VCF1: variants seen among roughly 807,000 people sequenced by gnomAD.
The protein encoded by VCF1 is protein VCF1.
the VCF1 span, among the ~76,000 whole-genome samples, chr17:73,220,894 AT>A: frequency 0.02 from 1,930 of 96,562 alleles, 9 homozygotes; most frequent in African/African-American, 0.049. Flanking sequence ...TTTAATTTAG[AT>A]TTTTTTTTTT....
chr17:73,224,338 G>A, the VCF1 span, among the ~76,000 whole-genome samples: 23 of 151,172 alleles, frequency 1.5e-4, no homozygotes, highest in African/African-American at 5.4e-4. Flanking sequence ...CCAGCTACTT[G>A]GGAGGCTGAT....
the VCF1 span, chr17:73,212,584 T>TG: frequency 1.0e-6 from 1 of 985,646 alleles, no homozygotes; most frequent in South Asian, 1.6e-5. Context: ...CAAAGGCGTC[T>TG]CCTAACCTAG....
At chr17:73,216,971 C>G in the VCF1 span, among the ~76,000 whole-genome samples, 3 of 152,168 alleles carry the variant, frequency 2.0e-5, no homozygotes, top group Non-Finnish European at 4.4e-5. Context: ...ATCACTAAGC[C>G]ATTCCACTTC....
At chr17:73,225,392 C>T in the VCF1 span, among the ~76,000 whole-genome samples, 3 of 150,656 alleles carry the variant, frequency 2.0e-5, no homozygotes, top group East Asian at 5.8e-4. Context: ...TCTACAATAT[C>T]TGCCTTACTT....
chr17:73,208,263 C>T, the VCF1 span: 1 of 1,611,256 alleles, frequency 6.2e-7, no homozygotes, highest in Non-Finnish European at 8.5e-7. Flanking sequence ...GGCGAGTGGG[C>T]AGGAGGGCTC....
chr17:73,209,182 A>ACAT, the VCF1 span: 8 of 276,300 alleles, frequency 2.9e-5, no homozygotes, highest in Non-Finnish European at 5.5e-5. Flanking sequence ...AAGGCCCTTT[A>ACAT]CATAAAGTAG....
At chr17:73,227,536 G>T in the VCF1 span, 2 of 793,700 alleles carry the variant, frequency 2.5e-6, no homozygotes, top group Non-Finnish European at 3.1e-6. Context: ...TGTTGGGACT[G>T]AAACAAGAAC....
the VCF1 span, among the ~76,000 whole-genome samples, chr17:73,222,101 G>A: frequency 6.8e-6 from 1 of 148,108 alleles, no homozygotes; most frequent in African/African-American, 2.5e-5. Context: ...GGGAGGCTGA[G>A]CAGGGAGGAG....
chr17:73,230,775 C>T, the VCF1 span, among the ~76,000 whole-genome samples: 1 of 152,202 alleles, frequency 6.6e-6, no homozygotes, highest in South Asian at 2.1e-4. Flanking sequence ...CAGGAAAAGC[C>T]TGTCCAAATC....
the VCF1 span, among the ~76,000 whole-genome samples, chr17:73,225,065 A>C: frequency 3.6e-5 from 2 of 55,878 alleles, no homozygotes; most frequent in Non-Finnish European, 8.5e-5. Context: ...TATTCTGGTC[A>C]ATGTTCAGTA....
chr17:73,232,100 C>T, the VCF1 span: 21 of 1,608,376 alleles, frequency 1.3e-5, no homozygotes, highest in Admixed American at 1.7e-5. Flanking sequence ...GACGGAGGCG[C>T]TCGCTCATGG....
the VCF1 span, chr17:73,208,320 C>T: frequency 3.7e-6 from 6 of 1,613,620 alleles, no homozygotes; most frequent in Non-Finnish European, 5.1e-6. Context: ...GCAGGTTGTC[C>T]CCCCGGCACG....
chr17:73,230,295 A>G, the VCF1 span, among the ~76,000 whole-genome samples: 77,787 of 151,896 alleles, frequency 0.51, 20,039 homozygotes, highest in East Asian at 0.6. Flanking sequence ...GACTCTGTCA[A>G]TCAATCAGTC....
At chr17:73,232,368 G>A in the VCF1 span, 578 of 1,459,956 alleles carry the variant, frequency 4.0e-4, 6 homozygotes, top group Non-Finnish European at 5.4e-5. Flanking sequence ...CAACCGCACC[G>A]ACTGGTAACC....
the VCF1 span, among the ~76,000 whole-genome samples, chr17:73,218,250 G>A: frequency 0.057 from 8,613 of 152,268 alleles, 342 homozygotes; most frequent in Non-Finnish European, 0.08. Context: ...AATAATTTCA[G>A]AAAACTTCAG....
chr17:73,221,507 A>G, the VCF1 span, among the ~76,000 whole-genome samples: 1 of 147,172 alleles, frequency 6.8e-6, no homozygotes, highest in Non-Finnish European at 1.5e-5. Flanking sequence ...AAATTGATAA[A>G]ATCATTTCAC....
chr17:73,219,256 G>C, the VCF1 span, among the ~76,000 whole-genome samples: 1 of 151,548 alleles, frequency 6.6e-6, no homozygotes, highest in Non-Finnish European at 1.5e-5. Flanking sequence ...GTGAATTGAG[G>C]TATTTACAAA....
the VCF1 span, among the ~76,000 whole-genome samples, chr17:73,223,390 A>AC: frequency 6.6e-6 from 1 of 152,206 alleles, no homozygotes; most frequent in Admixed American, 6.5e-5. Flanking sequence ...TTATGCACAC[A>AC]TGAAGTTTCT....
the VCF1 span, among the ~76,000 whole-genome samples, chr17:73,230,431 G>A: frequency 6.6e-6 from 1 of 150,824 alleles, no homozygotes; most frequent in Admixed American, 6.6e-5. Flanking sequence ...TGGAAGTTTC[G>A]CTCTTGTTGC....
Sources: allele counts gnomAD v4.1 joint callset (sites outside exome capture counted in the v4.1 genomes callset), GRCh38; gene constraint gnomAD v4.1.1; transcripts MANE v1.5; gene names NCBI Gene and HGNC (gene_info 2026-07-23, HGNC 2026-07-21).